Variants in THEMIS observed in about 807,000 individuals in gnomAD.
THEMIS encodes the protein thymocyte selection associated, also known as protein THEMIS.
A neutral mutation model predicts 52.6 loss-of-function variants in THEMIS; 37 were observed. The ratio of observed to expected loss-of-function variants is 0.70; its 90% CI spans 0.54 to 0.93. The LOEUF is 0.93. Among genes scored for constraint, THEMIS ranks in the 40% least tolerant of loss-of-function variants. THEMIS has a pLI of 0.00. For missense variants in THEMIS, 808 were observed against 763.1 expected, an observed-to-expected ratio of 1.06 and a Z score of -0.69; for synonymous variants, 292 against 272.7, an observed-to-expected ratio of 1.07 and a Z score of -0.70.
intron 3 of THEMIS, among the ~76,000 whole-genome samples, chr6:127,825,824 T>A (rs1477608791): frequency 6.6e-6 from 1 of 151,792 alleles, no homozygotes; most frequent in South Asian, 2.1e-4. Flanking sequence ...GGCCTTTTTT[T>A]ATAGAGTTGA....
chr6:127,702,537 C>T, the THEMIS span, among the ~76,000 whole-genome samples: 6 of 151,834 alleles, frequency 4.0e-5, no homozygotes, highest in African/African-American at 1.4e-4. Context: ...TTCCACTGTC[C>T]TGTCTTTTCT....
At chr6:127,818,910 G>C (rs747899397) in intron 3 of THEMIS, among the ~76,000 whole-genome samples, 32 of 151,836 alleles carry the variant, frequency 2.1e-4, no homozygotes, top group Non-Finnish European at 4.6e-4. Flanking sequence ...ACAAGGTCAG[G>C]AGATCGAGAC....
chr6:127,883,549 T>C (rs954046407), intron 1 of THEMIS, among the ~76,000 whole-genome samples: 5 of 152,006 alleles, frequency 3.3e-5, no homozygotes, highest in African/African-American at 1.2e-4. Context: ...GACATACACA[T>C]ATAAAATATA....
intron 1 of THEMIS, among the ~76,000 whole-genome samples, chr6:127,890,882 G>A (rs578198089): frequency 1.8e-4 from 27 of 151,762 alleles, no homozygotes; most frequent in Non-Finnish European, 4.4e-5. Flanking sequence ...AATATCAATA[G>A]AGAAATACAT....
intron 4 of THEMIS, among the ~76,000 whole-genome samples, chr6:127,723,446 G>A (rs1006500655): frequency 1.3e-5 from 2 of 151,904 alleles, no homozygotes; most frequent in Non-Finnish European, 2.9e-5. Context: ...AGGTCTCAAG[G>A]TTCTGTTATT....
chr6:127,742,876 G>T (rs1054874710), intron 4 of THEMIS, among the ~76,000 whole-genome samples: 7 of 151,988 alleles, frequency 4.6e-5, no homozygotes, highest in Non-Finnish European at 1.0e-4. Context: ...CAATGTGAAT[G>T]GCCTTAATAC....
intron 2 of THEMIS, among the ~76,000 whole-genome samples, chr6:127,838,995 T>C (rs1778959330): frequency 6.6e-6 from 1 of 152,106 alleles, no homozygotes; most frequent in Non-Finnish European, 1.5e-5. Flanking sequence ...GTATCAGACA[T>C]TAATGTTGGC....
At chr6:127,815,518 TA>T (rs1359749105) in intron 3 of THEMIS, among the ~76,000 whole-genome samples, 1 of 151,692 alleles carries the variant, frequency 6.6e-6, no homozygotes, top group Non-Finnish European at 1.5e-5. Flanking sequence ...TATTTTCTTG[TA>T]AAAAAAATAA....
At chr6:127,729,477 C>A (rs527887526) in intron 4 of THEMIS, among the ~76,000 whole-genome samples, 1 of 152,118 alleles carries the variant, frequency 6.6e-6, no homozygotes, top group Admixed American at 6.5e-5. Context: ...GAGATGGTGG[C>A]CATCTGAAAT....
At chr6:127,721,528 C>A (rs1035947716) in intron 4 of THEMIS, among the ~76,000 whole-genome samples, 1 of 151,968 alleles carries the variant, frequency 6.6e-6, no homozygotes, top group Admixed American at 6.6e-5. Flanking sequence ...AATTCCTTTT[C>A]TAATGACCAA....
intron 4 of THEMIS, among the ~76,000 whole-genome samples, chr6:127,748,907 C>T (rs1052037576): frequency 1.3e-5 from 2 of 151,924 alleles, no homozygotes; most frequent in Non-Finnish European, 2.9e-5. Flanking sequence ...GATTAAAAGC[C>T]AGAAGATGTG....
intron 4 of THEMIS, among the ~76,000 whole-genome samples, chr6:127,802,323 C>A (rs184551343): frequency 1.3e-5 from 2 of 152,176 alleles, no homozygotes; most frequent in African/African-American, 2.4e-5. Context: ...CCTGTAATTG[C>A]GCTTTTCTGT....
intron 4 of THEMIS, among the ~76,000 whole-genome samples, chr6:127,795,181 T>A (rs1220294909): frequency 6.6e-6 from 1 of 152,156 alleles, no homozygotes; most frequent in African/African-American, 2.4e-5. Flanking sequence ...GTTAGAAACA[T>A]ACACATGGCT....
chr6:127,768,506 C>T (rs140396973), intron 4 of THEMIS, among the ~76,000 whole-genome samples: 30 of 152,224 alleles, frequency 2.0e-4, no homozygotes, highest in African/African-American at 5.3e-4. Context: ...AATAGAGATG[C>T]TAATCAATGC....
At chr6:127,712,456 T>G (rs1195360618) in intron 5 of THEMIS, among the ~76,000 whole-genome samples, 1 of 151,922 alleles carries the variant, frequency 6.6e-6, no homozygotes, top group Non-Finnish European at 1.5e-5. Flanking sequence ...GCAAGAAATG[T>G]TTTTCTGACA....
At chr6:127,837,789 C>T (rs1336181770) in intron 2 of THEMIS, among the ~76,000 whole-genome samples, 6 of 151,988 alleles carry the variant, frequency 3.9e-5, no homozygotes, top group Non-Finnish European at 8.8e-5. Context: ...TGTCGAAACT[C>T]TACTATAGAC....
chr6:127,765,321 C>A (rs1029546681), intron 4 of THEMIS, among the ~76,000 whole-genome samples: 1 of 151,868 alleles, frequency 6.6e-6, no homozygotes, highest in Non-Finnish European at 1.5e-5. Context: ...AATGTAGCTG[C>A]ATGGAAGATG....
chr6:127,835,252 A>C (rs1351243108), intron 2 of THEMIS, among the ~76,000 whole-genome samples: 1 of 152,138 alleles, frequency 6.6e-6, no homozygotes, highest in Non-Finnish European at 1.5e-5. Context: ...CAGGATTCCC[A>C]GGCCCTAGGT....
intron 3 of THEMIS, among the ~76,000 whole-genome samples, chr6:127,821,062 TAA>T (rs971300957): frequency 2.6e-4 from 39 of 151,892 alleles, no homozygotes; most frequent in African/African-American, 8.0e-4. Context: ...TTTTAAAATA[TAA>T]GAGAGGAAAA....
Sources: allele counts gnomAD v4.1 joint callset (sites outside exome capture counted in the v4.1 genomes callset), GRCh38; gene constraint gnomAD v4.1.1; transcripts MANE v1.5; gene names NCBI Gene and HGNC (gene_info 2026-07-23, HGNC 2026-07-21).